Variants in ATM observed in about 807,000 individuals in gnomAD.
ATM encodes serine-protein kinase ATM.
ATM carries 308 observed loss-of-function variants against 387.0 expected under a neutral mutation model. The ratio of observed to expected loss-of-function variants is 0.80; its 90% CI spans 0.73 to 0.87. ATM has a LOEUF of 0.87. Among genes scored for constraint, ATM ranks in the 40% least tolerant of loss-of-function variants. The pLI is 0.00. For missense variants in ATM, 3,312 were observed against 3,560.9 expected (o/e 0.93, Z 1.78); for synonymous variants, 1,156 against 1,187.3 (o/e 0.97, Z 0.54).
intron 61 of ATM, chr11:108,355,369 T>G (rs1223661736): frequency 5.7e-6 from 1 of 176,232 alleles, no homozygotes; most frequent in East Asian, 1.5e-4. Context: ...GTCTTAACTT[T>G]GGGACAGCTC....
intron 10 of ATM, 83 bp downstream of exon 10, chr11:108,251,155 T>A (rs2135331355): frequency 6.3e-7 from 1 of 1,579,800 alleles, no homozygotes; most frequent in Non-Finnish European, 8.6e-7. Context: ...ATCATTTTCA[T>A]AGTTTGTTAC....
Position 108,320,025 on chromosome 11 carries a change from T to C in ATM, c.6419T>C (p.Phe2140Ser). ...CTACAATCTCTAAGAGACAGAGAAT[T>C]CTCTACATTTTATGAAAGTCTCAAA... Reference protein sequence around the residue: ...NALQSLRDREFSTFYESLKYA... With the variant: ...NALQSLRDRESSTFYESLKYA... Residue 2140 changes from phenylalanine (F) to serine (S), a missense_variant, in exon 44 of 63, where the codon TTC becomes TCC. Coordinates refer to ENST00000675843, the MANE Select transcript of ATM (RefSeq NM_000051.4). The C allele has an allele frequency of 2.5e-6, 4 of 1,610,026 alleles. No homozygotes were observed. The highest frequency in any genetic ancestry group is 3.4e-6 in the Non-Finnish European group (4 of 1,176,418).
chr11:108,326,481 T>C (rs1037451428), intron 47 of ATM, among the ~76,000 whole-genome samples: 5 of 152,146 alleles, frequency 3.3e-5, no homozygotes, highest in Admixed American at 6.6e-5. Context: ...TAACTTCCTA[T>C]AGAATTCAAG....
At chr11:108,351,506 A>T (rs2089197627) in intron 59 of ATM, among the ~76,000 whole-genome samples, 1 of 152,218 alleles carries the variant, frequency 6.6e-6, no homozygotes, top group Non-Finnish European at 1.5e-5. Context: ...GTTTTCACTT[A>T]GGATCTCTCA....
chr11:108,244,161 T>G, intron 6 of ATM, 43 bp downstream of exon 6: 1 of 1,606,798 alleles, frequency 6.2e-7, no homozygotes, highest in Non-Finnish European at 8.5e-7. Context: ...TGAAATACTT[T>G]TGATCTTGCA....
intron 43 of ATM, among the ~76,000 whole-genome samples, chr11:108,319,381 C>G (rs2085022592): frequency 6.6e-6 from 1 of 152,170 alleles, no homozygotes; most frequent in South Asian, 2.1e-4. Context: ...TCAGGCCAAG[C>G]TGTTTCTATC....
chr11:108,227,653 T>C lies in ATM; in HGVS notation c.29T>C (p.Ile10Thr), dbSNP rs2135004898. The C allele has an allele frequency of 6.2e-7, 1 of 1,613,874 alleles. No individual in the cohort carries two copies. The highest frequency in any genetic ancestry group is 8.5e-7 in the Non-Finnish European group (1 of 1,179,884). The change falls in exon 2 of 63, where the codon ATC (isoleucine) becomes ACC (threonine). Residue 10 changes from isoleucine (I) to threonine (T), a missense_variant. This residue lies in a region of ATM where 1,791 missense variants were observed against 1,804.5 expected (regional missense o/e 0.99). Transcript: ENST00000675843. MSLVLNDLL[I>T]CCRQLEHDRA... ...AGTCTAGTACTTAATGATCTGCTTA[T>C]CTGCTGCCGTCAACTAGAACATGAT...
intron 16 of ATM, 27 bp downstream of exon 16, chr11:108,259,102 A>C (rs1309573602): frequency 1.9e-6 from 3 of 1,577,144 alleles, no homozygotes; most frequent in African/African-American, 1.3e-5. Context: ...TTTTGCTATC[A>C]TATTTTGATT....
chr11:108,293,886 AAAAAAAAAATATATAT>A (rs1440062433), intron 31 of ATM, among the ~76,000 whole-genome samples: 14 of 103,478 alleles, frequency 1.4e-4, no homozygotes, highest in Admixed American at 1.1e-3. Context: ...TCAAAAAAAA[AAAAAAAAAATATATAT>A]ATATATATAT....
chr11:108,244,269 T>C, intron 6 of ATM, 151 bp downstream of exon 6: 1 of 907,328 alleles, frequency 1.1e-6, no homozygotes, highest in Non-Finnish European at 1.7e-6. Flanking sequence ...GACAACCAAG[T>C]CCAACACTTT....
At chr11:108,355,026 T>C (rs2089725203) in intron 61 of ATM, 152 bp downstream of exon 61, 2 of 661,708 alleles carry the variant, frequency 3.0e-6, no homozygotes, top group South Asian at 1.8e-5. Context: ...GCACTTAGCC[T>C]TTTCACACAT....
intron 32 of ATM, chr11:108,296,883 CATT>C: frequency 7.9e-6 from 2 of 251,782 alleles, no homozygotes; most frequent in South Asian, 4.9e-5. Flanking sequence ...AGATTATAGA[CATT>C]TCCATCATTG....
At position 108,269,258 on chromosome 11, in the gene ATM, A is replaced by G. The variant is rs527954094; in HGVS notation, c.2838+649A>G. Among the ~76,000 whole-genome samples, 9 of 151,958 alleles carry G rather than the reference A, an allele frequency of 5.9e-5. 1 individual carries two copies. The South Asian group carries it at 1.7e-3, about 28-fold the overall frequency. ...TGTGTAGTCTGTTTAGTCTCCTTCA[A>G]TCTGGAACAGTTCTTTTTTTTATTT... On this transcript the variant is annotated intron_variant, in intron 18 of 62. Transcript: ENST00000675843.
intron 14 of ATM, among the ~76,000 whole-genome samples, chr11:108,256,730 A>G (rs1318206795): frequency 1.3e-5 from 2 of 151,652 alleles, no homozygotes. Context: ...ATGTGTTCTC[A>G]TTGTTCAGCT....
At chr11:108,353,446 C>G (rs2089446270) in intron 59 of ATM, among the ~76,000 whole-genome samples, 1 of 152,106 alleles carries the variant, frequency 6.6e-6, no homozygotes, top group Non-Finnish European at 1.5e-5. Flanking sequence ...CACACCCAGC[C>G]TAAAAATTTT....
chr11:108,320,065 T>G lies in ATM; in HGVS notation c.6452+7T>G. On this transcript the variant is annotated splice_region_variant and intron_variant, in intron 44 of 62. Coordinates refer to ENST00000675843, the MANE Select transcript of ATM (RefSeq NM_000051.4). ...AAAGTCTCAAATATGCCAGGTATTA[T>G]GAAAAGACAAAGTTACTGTATTTTA... 1 of 1,562,192 alleles carries G rather than the reference T, an allele frequency of 6.4e-7. No homozygotes were observed. The highest frequency in any genetic ancestry group is 1.4e-5 in the African/African-American group (1 of 73,854).
At chr11:108,337,677 T>A (rs1183535612) in intron 56 of ATM, among the ~76,000 whole-genome samples, 1 of 152,140 alleles carries the variant, frequency 6.6e-6, no homozygotes, top group East Asian at 1.9e-4. Flanking sequence ...AAGTTGATGA[T>A]CTATTAGCTA....
intron 11 of ATM, 51 bp downstream of exon 11, chr11:108,252,082 G>T (rs1565386485): frequency 1.3e-6 from 2 of 1,523,036 alleles, no homozygotes; most frequent in Non-Finnish European, 1.8e-6. Flanking sequence ...GTTTTATCAG[G>T]CTCTCTCCAC....
chr11:108,364,867 C>G (rs374664871), intron 61 of ATM, among the ~76,000 whole-genome samples: 11 of 152,136 alleles, frequency 7.2e-5, no homozygotes, highest in African/African-American at 2.4e-4. Context: ...CACCCCTAAC[C>G]ATGGAGGAAG....
Sources: gnomAD v4.1 joint callset for allele counts (sites outside exome capture counted in the v4.1 genomes callset) on GRCh38, gnomAD v4.1.1 for gene constraint, gnomAD v4.1.1 regional missense constraint, MANE v1.5 for transcripts, NCBI Gene and HGNC (gene_info 2026-07-23, HGNC 2026-07-21) for gene names.